MYL2: variants seen among roughly 807,000 people sequenced by gnomAD.
MYL2 encodes myosin regulatory light chain 2, ventricular/cardiac muscle isoform.
A neutral mutation model predicts 23.0 loss-of-function variants in MYL2; 19 were observed. That is an observed-to-expected ratio of 0.83 (90% CI 0.58 to 1.21). The LOEUF (loss-of-function observed/expected upper bound fraction) is 1.21. Among genes scored for constraint, MYL2 ranks in the 50% most tolerant of loss-of-function variants. The probability of loss-of-function intolerance (pLI) is 0.00; values close to 1 mark genes in which losing one functional copy is unlikely to be tolerated. For missense variants in MYL2, 180 were observed against 215.1 expected, an observed-to-expected ratio of 0.84 and a Z score of 1.02; for synonymous variants, 78 against 76.2, an observed-to-expected ratio of 1.02 and a Z score of -0.13.
At chr12:110,919,677 A>G (rs2136778041) in intron 1 of MYL2, among the ~76,000 whole-genome samples, 1 of 152,232 alleles carries the variant, frequency 6.6e-6, no homozygotes, top group African/African-American at 2.4e-5. Flanking sequence ...CCCACACCCC[A>G]CAATTTTCCC....
In MYL2 at chr12:110,913,099, C is replaced by T; in HGVS notation, c.399G>A (p.Glu133=). The T allele has an allele frequency of 6.2e-7, 1 of 1,614,176 alleles. No homozygotes were observed. The highest frequency in any genetic ancestry group is 8.5e-7 in the Non-Finnish European group (1 of 1,180,036). ...LTTQAERFSK[E]EVDQMFAAFP... ...AGTGCTTGAAGGACCCCATTACCTC[C>T]TCCTTGGAAAACCTCTCCGCCTGCG... Residue 133 remains glutamate, a synonymous_variant, in exon 6 of 7, where the codon GAG becomes GAA. Transcript: ENST00000228841.
chr12:110,920,754 A>G, upstream of MYL2: 2 of 636,862 alleles, frequency 3.1e-6, no homozygotes, highest in Non-Finnish European at 5.6e-6. Context: ...GAGCCCCCAA[A>G]AAGGCATTCA....
intron 1 of MYL2, among the ~76,000 whole-genome samples, chr12:110,919,824 A>G (rs2857723): frequency 6.6e-6 from 1 of 152,134 alleles, no homozygotes; most frequent in African/African-American, 2.4e-5. Flanking sequence ...ATGATTCGGT[A>G]CTCTACATAT....
At chr12:110,919,769 C>G (rs965436881) in intron 1 of MYL2, among the ~76,000 whole-genome samples, 1 of 152,204 alleles carries the variant, frequency 6.6e-6, no homozygotes, top group Admixed American at 6.5e-5. Flanking sequence ...AGCGAGTTGA[C>G]CTTTCTTCCC....
Position 110,918,018 on chromosome 12 carries a change from TGC to T in MYL2, c.93+1084_93+1085del, listed in dbSNP as rs2071697732. ...AGGATTGATTAATCTGGGAGGTTGATGCTGCAGGGAGCCGTGGTTGTGCCACT... is the reference window on the plus strand; with the variant it reads ...AGGATTGATTAATCTGGGAGGTTGATTGCAGGGAGCCGTGGTTGTGCCACT... On this transcript the variant is annotated intron_variant, in intron 2 of 6. Transcript: ENST00000228841. The surrounding 1 kb of genome is among the most constrained non-coding windows in gnomAD (Gnocchi z 4.4). 7.9e-5 allele frequency among the ~76,000 whole-genome samples: 12 copies of T among 152,292 alleles called. No individual in the cohort carries two copies. Among genetic ancestry groups the T allele is most frequent in the African/African-American group, 2.9e-4 (12 of 41,568 alleles).
At position 110,918,227 on chromosome 12, in the gene MYL2, G is replaced by A. The variant is rs893349322; in HGVS notation, c.93+877C>T. 6.6e-6 allele frequency among the ~76,000 whole-genome samples: 1 copy of A among 152,186 alleles called. No homozygotes were observed. Among genetic ancestry groups the A allele is most frequent in the East Asian group, 1.9e-4 (1 of 5,198 alleles). ...ATTCTGAGCCTGTCCATCCAAGCCC[G>A]TGTGCAGTTTGGCCTAATTGGTACT... On this transcript the variant is annotated intron_variant, in intron 2 of 6. Transcript: ENST00000228841. The surrounding 1 kb of genome is among the most constrained non-coding windows in gnomAD (Gnocchi z 4.4).
chr12:110,921,165 C>A (rs1566151367), upstream of MYL2, among the ~76,000 whole-genome samples: 8 of 152,108 alleles, frequency 5.3e-5, no homozygotes, highest in Admixed American at 4.6e-4. Flanking sequence ...TTGCGACCAG[C>A]CTGGGTGACA....
chr12:110,915,764 C>T lies in MYL2; in HGVS notation c.120G>A (p.Arg40=), dbSNP rs571489007. 14 of 1,614,126 alleles carry T rather than the reference C, an allele frequency of 8.7e-6. 1 individual carries two copies. In the South Asian group the frequency reaches 1.5e-4, roughly 18 times the overall value. Residue 40 remains arginine (R), a synonymous_variant, in exon 3 of 7, where the codon AGG becomes AGA. Coordinates refer to ENST00000228841, the MANE Select transcript of MYL2 (RefSeq NM_000432.4). ...KEAFTIMDQN[R]DGFIDKNDLR... is the part of the protein sequence containing the mutation. The stretch of plus-strand genomic sequence containing the variant: ...GATCGTTCTTGTCAATGAAGCCATC[C>T]CTGTTCTGGTCCATGATAGTGAAGG...
upstream of MYL2, among the ~76,000 whole-genome samples, chr12:110,921,421 C>T (rs1200309347): frequency 6.6e-6 from 1 of 152,224 alleles, no homozygotes; most frequent in East Asian, 1.9e-4. Context: ...CTTTGTTTCT[C>T]TGCACAGCGT....
In MYL2 at chr12:110,918,812, T is replaced by A; in HGVS notation, c.93+292A>T. The A allele has an allele frequency of 5.0e-6, 2 of 403,204 alleles. No individual in the cohort carries two copies. Among genetic ancestry groups the A allele is most frequent in the Non-Finnish European group, 9.1e-6 (2 of 219,176 alleles). The allele number at this position is 403,204 out of a possible 1,614,324, so 25.0% of individuals were successfully genotyped here. A position where few individuals can be genotyped will look rare whatever the true frequency, so the allele number is the denominator to read the frequency against. On this transcript the variant is annotated intron_variant, in intron 2 of 6. Transcript: ENST00000228841. The surrounding 1 kb of genome is among the most constrained non-coding windows in gnomAD (Gnocchi z 4.4). ...GAAGGGTATATACTAAAATGTGAACTGATTATCTCTGGGTAATAGAATTGT... is the reference window on the plus strand; with the variant it reads ...GAAGGGTATATACTAAAATGTGAACAGATTATCTCTGGGTAATAGAATTGT...
intron 1 of MYL2, among the ~76,000 whole-genome samples, chr12:110,919,912 A>G (rs1250219043): frequency 2.0e-5 from 3 of 152,196 alleles, no homozygotes; most frequent in African/African-American, 7.2e-5. Flanking sequence ...GAGGCAACTG[A>G]GGCTCAGAGA....
intron 2 of MYL2, among the ~76,000 whole-genome samples, chr12:110,916,915 C>A (rs1451943038): frequency 5.9e-5 from 9 of 152,166 alleles, no homozygotes; most frequent in African/African-American, 2.2e-4. Flanking sequence ...GTGGTGCAAT[C>A]TCGGCTCACT....
chr12:110,913,440 A>G lies in MYL2; in HGVS notation c.275-116T>C, dbSNP rs1195724958. The G allele has an allele frequency of 4.7e-6, 5 of 1,057,074 alleles. No individual in the cohort carries two copies. In the Admixed American group the frequency reaches 7.4e-5, roughly 16 times the overall value. 65.5% of individuals were successfully genotyped at this position (1,057,074 alleles called of 1,614,324 possible). ...AGGGGCCAGAGCAAGGCTGCTTTGCATGGAGGAAAAAGACCCTGCTTTCGT... is the reference window on the plus strand; with the variant it reads ...AGGGGCCAGAGCAAGGCTGCTTTGCGTGGAGGAAAAAGACCCTGCTTTCGT... On this transcript the variant is annotated intron_variant, in intron 4 of 6. Coordinates refer to ENST00000228841, the MANE Select transcript of MYL2 (RefSeq NM_000432.4).
At position 110,919,124 on chromosome 12, in the gene MYL2, G is replaced by A; in HGVS notation, c.73C>T (p.Gln25Ter). 1 of 1,613,954 alleles carries A rather than the reference G, an allele frequency of 6.2e-7. No homozygotes were observed. Among genetic ancestry groups the A allele is most frequent in the South Asian group, 1.1e-5 (1 of 91,068 alleles). The change falls in exon 2 of 7, where the codon CAA (glutamine) becomes TAA (stop). Residue 25 changes from glutamine (Q) to a stop codon, truncating the protein, a stop_gained. Transcript: ENST00000228841. LOFTEE classifies it high-confidence loss of function. The part of the protein sequence containing the change: ...SNVFSMFEQT[Q>*]IQEFKEAFTI... ...CCCACCTCCTTAAATTCCTGGATTT[G>A]GGTCTGTTCGAACATGGAGAACACG...
chr12:110,914,167 C>G lies in MYL2; in HGVS notation c.274+19G>C, dbSNP rs770908313. The G allele has an allele frequency of 1.3e-6, 2 of 1,568,282 alleles. No individual in the cohort carries two copies. Among genetic ancestry groups the G allele is most frequent in the South Asian group, 1.1e-5 (1 of 90,126 alleles). The stretch of plus-strand genomic sequence containing the variant: ...ATAGACACATACACACAGACACACA[C>G]ACACACACACGACCTTACCCTTAAG... On this transcript the variant is annotated intron_variant, in intron 4 of 6. Transcript: ENST00000228841.
upstream of MYL2, among the ~76,000 whole-genome samples, chr12:110,921,082 G>A: frequency 6.6e-6 from 1 of 152,228 alleles, no homozygotes; most frequent in East Asian, 1.9e-4. Context: ...CATGAAGGCT[G>A]GCACTGTGGC....
intron 1 of MYL2, among the ~76,000 whole-genome samples, chr12:110,920,112 A>G (rs969571390): frequency 1.3e-5 from 2 of 152,352 alleles, no homozygotes; most frequent in Middle Eastern, 3.4e-3. Context: ...CACCTAACCC[A>G]ACAGCACAGA....
At chr12:110,911,266 TA>T in intron 6 of MYL2, 91 bp from the exon 7 acceptor site, 1 of 110,452 alleles carries the variant, frequency 9.1e-6, no homozygotes, top group South Asian at 3.0e-4. Flanking sequence ...AGTGGACGGA[TA>T]GCTGGGGGGT....
intron 4 of MYL2, 23 bp downstream of exon 4, chr12:110,914,163 C>G: frequency 1.4e-6 from 2 of 1,474,746 alleles, no homozygotes; most frequent in Non-Finnish European, 1.9e-6. Flanking sequence ...CACACAGACA[C>G]ACACACACAC....
Sources: allele counts gnomAD v4.1 joint callset (sites outside exome capture counted in the v4.1 genomes callset), GRCh38; gene constraint gnomAD v4.1.1; non-coding constraint Gnocchi (gnomAD v3.1); transcripts MANE v1.5; gene names NCBI Gene and HGNC (gene_info 2026-07-23, HGNC 2026-07-21).